ABAT: variants seen among roughly 807,000 people sequenced by gnomAD.
ABAT encodes the protein 4-aminobutyrate aminotransferase, also known as 4-aminobutyrate aminotransferase, mitochondrial.
ABAT carries 45 observed loss-of-function variants against 64.6 expected under a neutral mutation model. The ratio of observed to expected loss-of-function variants is 0.70; its 90% confidence interval spans 0.55 to 0.89. The LOEUF (loss-of-function observed/expected upper bound fraction) is 0.89, where lower values mean the gene tolerates loss of function less well. ABAT is among the 40% of genes least tolerant of loss of function. The pLI is 0.00. For missense variants in ABAT, 633 were observed against 658.4 expected (o/e 0.96, Z 0.42); for synonymous variants, 297 against 250.5 (o/e 1.19, Z -1.75).
rs947230044 is a variant in ABAT at position 8,764,684 on chromosome 16, G to C, written c.448-54G>C. 1.9e-5 allele frequency: 28 copies of C among 1,506,982 alleles called. 1 individual carries two copies. The highest frequency in any genetic ancestry group is 1.4e-5 in the African/African-American group (1 of 72,732). 93.4% of individuals were successfully genotyped at this position (1,506,982 alleles called of 1,614,324 possible). On this transcript the variant is annotated intron_variant, in intron 7 of 15. Transcript: ENST00000268251. The surrounding 1 kb of genome is among the most constrained non-coding windows in gnomAD (Gnocchi z 4.2). ...AGATTCAGCTCCAGCCAGGGGAAGCGGGAGGACAGGAGTCATGATGAGCCT... is the reference window on the plus strand; with the variant it reads ...AGATTCAGCTCCAGCCAGGGGAAGCCGGAGGACAGGAGTCATGATGAGCCT...
intron 5 of ABAT, 101 bp from the exon 6 acceptor site, chr16:8,757,656 G>C (rs1741565015): frequency 7.7e-7 from 1 of 1,299,804 alleles, no homozygotes; most frequent in East Asian, 2.3e-5. Flanking sequence ...TTTAAAGAGA[G>C]TTGGGGGGTT....
chr16:8,776,626 C>A lies in ABAT; in HGVS notation c.1269+136C>A. On this transcript the variant is annotated intron_variant, in intron 14 of 15. Coordinates refer to ENST00000268251, the MANE Select transcript of ABAT (RefSeq NM_020686.6). The surrounding 1 kb of genome is among the most constrained non-coding windows in gnomAD (Gnocchi z 4.4). ...CGTAACGGGCTGTGCTGCTCCTAGC[C>A]TTGGGGGCTTTGCACATGCTGTGTC... 1 of 954,754 alleles carries A rather than the reference C, an allele frequency of 1.0e-6. No individual in the cohort carries two copies. The highest frequency in any genetic ancestry group is 1.6e-6 in the Non-Finnish European group (1 of 623,970). The allele number at this position is 954,754 out of a possible 1,614,324, so 59.1% of individuals were successfully genotyped here.
chr16:8,690,004 A>G (rs368237110), intron 1 of ABAT, among the ~76,000 whole-genome samples: 5 of 152,336 alleles, frequency 3.3e-5, no homozygotes, highest in African/African-American at 1.2e-4. Context: ...GATTTAGGGT[A>G]GTTCCAAGAG....
In ABAT at chr16:8,715,762, AAATT is replaced by A. The variant is rs2058199926; in HGVS notation, c.-41-19934_-41-19931del. On this transcript the variant is annotated intron_variant, in intron 1 of 15. Coordinates refer to ENST00000268251, the MANE Select transcript of ABAT (RefSeq NM_020686.6). The stretch of plus-strand genomic sequence containing the variant: ...TGTCATGAATATGCCAATAATAAAT[AAATT>A]AAAAAAAGATAATAGTATTTTATTA... 5 of 151,418 alleles carry A rather than the reference AAATT, an allele frequency of 3.3e-5. No individual in the cohort carries two copies. The South Asian group carries it at 1.0e-3, about 31-fold the overall frequency. The allele number at this position is 151,418 out of a possible 1,614,324, so 9.4% of individuals were successfully genotyped here.
intron 1 of ABAT, among the ~76,000 whole-genome samples, chr16:8,718,917 A>G (rs907954295): frequency 6.6e-6 from 1 of 152,218 alleles, no homozygotes; most frequent in Non-Finnish European, 1.5e-5. Flanking sequence ...AGCCACCAAC[A>G]AAGTGTTTCC....
chr16:8,749,435 G>A (rs1344485787), intron 4 of ABAT, among the ~76,000 whole-genome samples: 1 of 97,218 alleles, frequency 1.0e-5, no homozygotes, highest in African/African-American at 4.1e-5. Context: ...GTCTCACTCT[G>A]TCTCCCAGGC....
In ABAT at chr16:8,676,276, T is replaced by G. The variant is rs529398504; in HGVS notation, c.-42+1565T>G. 7.9e-5 allele frequency among the ~76,000 whole-genome samples: 12 copies of G among 152,202 alleles called. No homozygotes were observed. The South Asian group carries it at 2.3e-3, about 29-fold the overall frequency. ...AAGACGTGGCCCCTTCATTTGACAG[T>G]TAAACACACAGAGGCACAAAAGGGG... On this transcript the variant is annotated intron_variant, in intron 1 of 15. Coordinates refer to ENST00000268251, the MANE Select transcript of ABAT (RefSeq NM_020686.6).
intron 1 of ABAT, among the ~76,000 whole-genome samples, chr16:8,707,713 A>G (rs1022895301): frequency 6.6e-6 from 1 of 152,210 alleles, no homozygotes; most frequent in Non-Finnish European, 1.5e-5. Flanking sequence ...ACTCCAGTGC[A>G]TCCTAGCCAG....
chr16:8,728,546 C>T (rs1030334089), intron 1 of ABAT, among the ~76,000 whole-genome samples: 10 of 104,056 alleles, frequency 9.6e-5, no homozygotes, highest in African/African-American at 2.7e-4. Flanking sequence ...AGTCGGATAT[C>T]CTGGAATAGA....
Position 8,774,914 on chromosome 16 carries a change from G to A in ABAT, c.979G>A (p.Glu327Lys), listed in dbSNP as rs750204336. 2.5e-6 allele frequency: 4 copies of A among 1,613,914 alleles called. No homozygotes were observed. Among genetic ancestry groups the A allele is most frequent in the East Asian group, 2.2e-5 (1 of 44,892 alleles). ...RKHGCAFLVD[E>K]VQTGGGCTGK... ...GCATGGCTGCGCCTTCTTGGTGGAC[G>A]AGGTCCAGACCGGAGGAGGCTGCAC... The change falls in exon 13 of 16, where the codon GAG (glutamate) becomes AAG (lysine). Residue 327 changes from glutamate (E) to lysine (K), a missense_variant. By Grantham distance (56) the Glu-to-Lys change is moderately conservative. Coordinates refer to ENST00000268251, the MANE Select transcript of ABAT (RefSeq NM_020686.6).
At chr16:8,751,018 G>C (rs1185705606) in intron 5 of ABAT, among the ~76,000 whole-genome samples, 1 of 141,816 alleles carries the variant, frequency 7.1e-6, no homozygotes, top group Non-Finnish European at 1.5e-5. Context: ...GCGTGATCTT[G>C]GCTCACTGCA....
intron 2 of ABAT, among the ~76,000 whole-genome samples, chr16:8,739,003 A>G (rs763713219): frequency 6.6e-5 from 10 of 152,218 alleles, no homozygotes; most frequent in African/African-American, 9.6e-5. Flanking sequence ...ACCCATAATT[A>G]TGCTAAACTA....
intron 2 of ABAT, among the ~76,000 whole-genome samples, chr16:8,742,448 A>C (rs908427910): frequency 6.6e-6 from 1 of 152,212 alleles, no homozygotes; most frequent in Non-Finnish European, 1.5e-5. Context: ...TGCTGGAAAC[A>C]AAGCAAGATC....
intron 1 of ABAT, among the ~76,000 whole-genome samples, chr16:8,724,579 T>TA (rs2058478789): frequency 6.6e-6 from 1 of 151,628 alleles, no homozygotes; most frequent in African/African-American, 2.4e-5. Context: ...AAAAAAGAAA[T>TA]ACAAAGATTA....
At chr16:8,689,536 T>C (rs1270961387) in intron 1 of ABAT, among the ~76,000 whole-genome samples, 2 of 152,234 alleles carry the variant, frequency 1.3e-5, no homozygotes, top group Non-Finnish European at 2.9e-5. Flanking sequence ...GCACAACTTC[T>C]ACCTTAAAGT....
chr16:8,679,756 C>T (rs1372113020), intron 1 of ABAT, among the ~76,000 whole-genome samples: 3 of 152,048 alleles, frequency 2.0e-5, no homozygotes, highest in South Asian at 2.1e-4. Context: ...CCCAAGAATG[C>T]TTAGCAGGCT....
At chr16:8,772,754 T>A in intron 11 of ABAT, 26 bp from the exon 12 acceptor site, 1 of 1,613,788 alleles carries the variant, frequency 6.2e-7, no homozygotes, top group South Asian at 1.1e-5. Context: ...CTGCCATCGG[T>A]GGTCACTTTC....
At chr16:8,766,346 G>A (rs2059943243) in intron 9 of ABAT, 76 bp downstream of exon 9, 7 of 1,442,036 alleles carry the variant, frequency 4.9e-6, no homozygotes, top group African/African-American at 2.8e-5. Context: ...CTGGCTGGCT[G>A]GCACTGTCCT....
intron 13 of ABAT, 42 bp downstream of exon 13, chr16:8,775,099 A>C (rs2060227424): frequency 1.2e-6 from 2 of 1,613,578 alleles, no homozygotes; most frequent in East Asian, 4.5e-5. Flanking sequence ...AGGGCAGAGA[A>C]GGGAGCATCC....
Sources: allele counts gnomAD v4.1 joint callset (sites outside exome capture counted in the v4.1 genomes callset), GRCh38; gene constraint gnomAD v4.1.1; non-coding constraint Gnocchi (gnomAD v3.1); transcripts MANE v1.5; gene names NCBI Gene and HGNC (gene_info 2026-07-23, HGNC 2026-07-21).